PRKACB: variants seen among roughly 807,000 people sequenced by gnomAD.
PRKACB encodes cAMP-dependent protein kinase catalytic subunit beta.
PRKACB carries 16 observed loss-of-function variants against 51.4 expected under a neutral mutation model. The observed-to-expected ratio is 0.31, with a 90% CI of 0.21 to 0.47. PRKACB has a LOEUF of 0.47. Among genes scored for constraint, PRKACB ranks in the 20% least tolerant of loss-of-function variants. PRKACB has a pLI of 1.00. For synonymous variants in PRKACB, 147 were observed against 154.4 expected, an observed-to-expected ratio of 0.95 and a Z score of 0.35; for missense variants, 309 against 464.5, an observed-to-expected ratio of 0.67 and a Z score of 3.08.
rs144427041 is a variant in PRKACB at position 84,220,732 on chromosome 1, T to C, written c.1071+6415T>C. On this transcript the variant is annotated intron_variant, in intron 9 of 9. Coordinates refer to ENST00000370685, the MANE Select transcript of PRKACB (RefSeq NM_182948.4). ...TTTGTTGTTCATTCTACTAAAGTGA[T>C]GTATCGTGTTAATTGATTTGCATAT... Among the ~76,000 whole-genome samples, 484 of 152,324 alleles carry C rather than the reference T, an allele frequency of 3.2e-3. 3 individuals carry two copies. Among genetic ancestry groups the C allele is most frequent in the African/African-American group, 0.011 (459 of 41,578 alleles).
intron 9 of PRKACB, among the ~76,000 whole-genome samples, chr1:84,214,891 A>G (rs1040423530): frequency 1.3e-5 from 2 of 152,224 alleles, no homozygotes; most frequent in African/African-American, 2.4e-5. Context: ...GTTACGCTTC[A>G]CAAAACTGTG....
chr1:84,230,412 G>T (rs1572589225), intron 9 of PRKACB, among the ~76,000 whole-genome samples: 1 of 152,190 alleles, frequency 6.6e-6, no homozygotes, highest in African/African-American at 2.4e-5. Context: ...ATTTGGCGAT[G>T]CGGGCTCTTT....
intron 7 of PRKACB, 47 bp downstream of exon 7, chr1:84,197,871 C>A: frequency 7.6e-7 from 1 of 1,323,530 alleles, no homozygotes; most frequent in Non-Finnish European, 1.1e-6. Context: ...ATGAGACATG[C>A]ATCCCTATGG....
At chr1:84,225,479 T>C (rs1228579716) in intron 9 of PRKACB, among the ~76,000 whole-genome samples, 1 of 152,052 alleles carries the variant, frequency 6.6e-6, no homozygotes, top group Non-Finnish European at 1.5e-5. Context: ...CACCATTGGG[T>C]CCAGCCAGCA....
At chr1:84,119,002 G>A (rs1249397881) in intron 1 of PRKACB, among the ~76,000 whole-genome samples, 2 of 152,078 alleles carry the variant, frequency 1.3e-5, no homozygotes, top group Non-Finnish European at 2.9e-5. Context: ...ATTTTTTAAG[G>A]TAACTTCAAA....
intron 1 of PRKACB, among the ~76,000 whole-genome samples, chr1:84,161,208 T>A (rs935259954): frequency 6.6e-6 from 1 of 151,914 alleles, no homozygotes; most frequent in African/African-American, 2.4e-5. Context: ...CCTTTTATAA[T>A]TATGAATGTC....
At chr1:84,124,525 T>C (rs536544640) in intron 1 of PRKACB, among the ~76,000 whole-genome samples, 1 of 152,230 alleles carries the variant, frequency 6.6e-6, no homozygotes, top group African/African-American at 2.4e-5. Context: ...AGGGGAAATA[T>C]GTGTTTTTTA....
At chr1:84,093,514 A>G (rs1648683405) in intron 1 of PRKACB, among the ~76,000 whole-genome samples, 1 of 152,044 alleles carries the variant, frequency 6.6e-6, no homozygotes, top group Non-Finnish European at 1.5e-5. Context: ...GAATTCATAT[A>G]ACTTTATAAT....
intron 1 of PRKACB, among the ~76,000 whole-genome samples, chr1:84,088,102 T>C (rs1487657623): frequency 6.6e-6 from 1 of 152,170 alleles, no homozygotes; most frequent in South Asian, 2.1e-4. Flanking sequence ...GGGATTCTTA[T>C]AAGTTAAATT....
At chr1:84,179,520 T>A (rs1317546666) in intron 2 of PRKACB, among the ~76,000 whole-genome samples, 1 of 151,846 alleles carries the variant, frequency 6.6e-6, no homozygotes, top group Admixed American at 6.6e-5. Flanking sequence ...TATATTAATT[T>A]TGAATTATGC....
At chr1:84,204,434 A>G in intron 8 of PRKACB, 1 of 1,385,126 alleles carries the variant, frequency 7.2e-7, no homozygotes, top group Non-Finnish European at 1.0e-6. Flanking sequence ...ACATTTGTAG[A>G]TCTCTGGCTT....
At chr1:84,229,611 A>C (rs1675252982) in intron 9 of PRKACB, among the ~76,000 whole-genome samples, 1 of 151,504 alleles carries the variant, frequency 6.6e-6, no homozygotes, top group Admixed American at 6.6e-5. Flanking sequence ...CTGACTTTTT[A>C]ATGTTTGCCA....
intron 8 of PRKACB, among the ~76,000 whole-genome samples, chr1:84,212,648 A>G (rs1672312146): frequency 6.6e-6 from 1 of 152,120 alleles, no homozygotes; most frequent in Admixed American, 6.6e-5. Context: ...GCTGAATCTT[A>G]GTTTCTCCAT....
At chr1:84,221,570 T>C (rs547940263) in intron 9 of PRKACB, among the ~76,000 whole-genome samples, 2 of 152,168 alleles carry the variant, frequency 1.3e-5, no homozygotes, top group African/African-American at 4.8e-5. Flanking sequence ...TTTATTGCTA[T>C]AAACCTCCCC....
intron 1 of PRKACB, among the ~76,000 whole-genome samples, chr1:84,162,214 A>C (rs1294004097): frequency 6.6e-6 from 1 of 151,852 alleles, no homozygotes; most frequent in East Asian, 1.9e-4. Context: ...TGCTGCTTTC[A>C]TGACTTTTCT....
chr1:84,127,424 G>C (rs1245335808), intron 1 of PRKACB, among the ~76,000 whole-genome samples: 2 of 152,116 alleles, frequency 1.3e-5, no homozygotes, highest in Non-Finnish European at 2.9e-5. Context: ...TGTGTATTCA[G>C]CTCTGCAGGA....
chr1:84,130,982 A>C (rs1380460568), intron 1 of PRKACB, among the ~76,000 whole-genome samples: 1 of 152,208 alleles, frequency 6.6e-6, no homozygotes, highest in African/African-American at 2.4e-5. Flanking sequence ...TATAGGTCGG[A>C]AACAACTAAT....
intron 7 of PRKACB, among the ~76,000 whole-genome samples, chr1:84,199,907 G>T (rs553866017): frequency 6.6e-6 from 1 of 151,970 alleles, no homozygotes; most frequent in African/African-American, 2.4e-5. Context: ...GTGCAGTGGC[G>T]TGATCTCGGT....
intron 1 of PRKACB, among the ~76,000 whole-genome samples, chr1:84,150,201 C>G (rs1558027595): frequency 6.6e-6 from 1 of 152,030 alleles, no homozygotes; most frequent in Admixed American, 6.6e-5. Flanking sequence ...TCACTAGACC[C>G]CAGGAAGCAG....
Sources: gnomAD v4.1 joint callset for allele counts (sites outside exome capture counted in the v4.1 genomes callset) on GRCh38, gnomAD v4.1.1 for gene constraint, MANE v1.5 for transcripts, NCBI Gene and HGNC (gene_info 2026-07-23, HGNC 2026-07-21) for gene names.